GLTP: variants seen among roughly 807,000 people sequenced by gnomAD.
GLTP encodes the protein glycolipid transfer protein.
A neutral mutation model predicts 24.0 loss-of-function variants in GLTP; 22 were observed. That is an observed-to-expected ratio of 0.92 (90% CI 0.65 to 1.31). The LOEUF (loss-of-function observed/expected upper bound fraction) is 1.31, where lower values mean the gene tolerates loss of function less well. GLTP is among the 50% of genes most tolerant of loss of function. GLTP has a pLI of 0.00. For synonymous variants in GLTP, 92 were observed against 115.9 expected (o/e 0.79, Z 1.33); for missense variants, 224 against 276.6 (o/e 0.81, Z 1.35).
At chr12:109,858,901 C>G (rs749037681) in intron 1 of GLTP, among the ~76,000 whole-genome samples, 160 bp from the exon 2 acceptor site, 1 of 152,146 alleles carries the variant, frequency 6.6e-6, no homozygotes, top group African/African-American at 2.4e-5. Context: ...TTGGGTGCAG[C>G]CCCCAGCTCT....
chr12:109,880,183 G>A lies in GLTP; in HGVS notation c.103+89C>T, dbSNP rs1315413114. On this transcript the variant is annotated intron_variant, in intron 1 of 4. Transcript: ENST00000318348. The surrounding 1 kb of genome is among the most constrained non-coding windows in gnomAD (Gnocchi z 5.1). ...GGGAAACAGTACTTAGGGGTGTCTAGGGCAGAGATGGTTAGGGGATGCTCG... is the reference window on the plus strand; with the variant it reads ...GGGAAACAGTACTTAGGGGTGTCTAAGGCAGAGATGGTTAGGGGATGCTCG... 11 of 750,442 alleles carry A rather than the reference G, an allele frequency of 1.5e-5. No individual in the cohort carries two copies. Among genetic ancestry groups the A allele is most frequent in the Non-Finnish European group, 2.5e-5 (11 of 440,892 alleles). The allele number at this position is 750,442 out of a possible 1,614,324, so 46.5% of individuals were successfully genotyped here.
At chr12:109,856,982 C>T (rs996270219) in intron 3 of GLTP, among the ~76,000 whole-genome samples, 4 of 151,984 alleles carry the variant, frequency 2.6e-5, no homozygotes, top group Non-Finnish European at 5.9e-5. Flanking sequence ...TGCAGTGAGC[C>T]GAGATTGTGC....
At position 109,855,719 on chromosome 12, in the gene GLTP, C is replaced by T. The variant is rs369634482; in HGVS notation, c.347G>A (p.Arg116Gln). The T allele has an allele frequency of 2.4e-5, 39 of 1,607,848 alleles. No individual in the cohort carries two copies. The highest frequency in any genetic ancestry group is 6.8e-5 in the East Asian group (3 of 44,362). ...VFLQSICDGE[R>Q]DENHPNLIRV... ...GATGAGGTTGGGGTGGTTCTCGTCC[C>T]GCTCCCCGTCGCAGATGCTCTGGAG... The change falls in exon 4 of 5, where the codon CGG becomes CAG. Residue 116 changes from arginine to glutamine, a missense_variant. Coordinates refer to ENST00000318348, the MANE Select transcript of GLTP (RefSeq NM_016433.4). The surrounding 1 kb of genome is among the most constrained non-coding windows in gnomAD (Gnocchi z 4.1).
rs558397108 is a variant in GLTP at position 109,861,886 on chromosome 12, G to T, written c.104-3145C>A. ...GTGACCCAGCAAATGACATCATCGT[G>T]GAAGCCACAGGATTCCCCAGAACCT... is the stretch of plus-strand genomic sequence containing the variant. On this transcript the variant is annotated intron_variant, in intron 1 of 4. Coordinates refer to ENST00000318348, the MANE Select transcript of GLTP (RefSeq NM_016433.4). 3.3e-5 allele frequency among the ~76,000 whole-genome samples: 5 copies of T among 152,284 alleles called. No homozygotes were observed. In the East Asian group the frequency reaches 9.7e-4, roughly 29 times the overall value.
rs1436410192 is a variant in GLTP at position 109,857,455 on chromosome 12, C to A, written c.296+71G>T. The A allele has an allele frequency of 6.5e-7, 1 of 1,534,070 alleles. No individual in the cohort carries two copies. Among genetic ancestry groups the A allele is most frequent in the African/African-American group, 1.4e-5 (1 of 73,356 alleles). On this transcript the variant is annotated intron_variant, in intron 3 of 4. Transcript: ENST00000318348. This position sits in a 1 kb window ranked among gnomAD's most constrained non-coding sequence, Gnocchi z 4.3. ...ACCTTCCCAGCCTGAGCTGACACTGCGGAACAGTGACAGGTTTGCTTTCCC... is the reference window on the plus strand; with the variant it reads ...ACCTTCCCAGCCTGAGCTGACACTGAGGAACAGTGACAGGTTTGCTTTCCC...
In GLTP at chr12:109,880,381, G is replaced by C; in HGVS notation, c.-7C>G. The C allele has an allele frequency of 6.4e-7, 1 of 1,562,344 alleles. No homozygotes were observed. Among genetic ancestry groups the C allele is most frequent in the Non-Finnish European group, 8.7e-7 (1 of 1,152,854 alleles). On this transcript the variant is annotated 5_prime_UTR_variant, in exon 1 of 5. Coordinates refer to ENST00000318348, the MANE Select transcript of GLTP (RefSeq NM_016433.4). This position sits in a 1 kb window ranked among gnomAD's most constrained non-coding sequence, Gnocchi z 5.1. Reference sequence around the variant, plus strand: ...GTTCGGCCAGCAGCGCCATTTCGGGGTCGAGGCCCGCGGTGATGCCCCAGC... The same window carrying C: ...GTTCGGCCAGCAGCGCCATTTCGGGCTCGAGGCCCGCGGTGATGCCCCAGC...
At chr12:109,871,496 G>A (rs979298730) in intron 1 of GLTP, among the ~76,000 whole-genome samples, 1 of 152,188 alleles carries the variant, frequency 6.6e-6, no homozygotes, top group South Asian at 2.1e-4. Flanking sequence ...CCCTAGAGAC[G>A]ACTTCCAACG....
chr12:109,857,755 G>T lies in GLTP; in HGVS notation c.163-96C>A. 8.5e-7 allele frequency: 1 copy of T among 1,177,412 alleles called. No individual in the cohort carries two copies. The highest frequency in any genetic ancestry group is 1.5e-5 in the African/African-American group (1 of 66,730). The allele number at this position is 1,177,412 out of a possible 1,614,324, so 72.9% of individuals were successfully genotyped here. On this transcript the variant is annotated intron_variant, in intron 2 of 4. Transcript: ENST00000318348. This position sits in a 1 kb window ranked among gnomAD's most constrained non-coding sequence, Gnocchi z 4.3. ...GAAAAGCACCCTACCGGCATCTCCT[G>T]CTCCTTCCTGCCCTCCAGGAACAGC...
Position 109,855,554 on chromosome 12 carries a change from AG to A in GLTP, c.447+64del, listed in dbSNP as rs891270144. On this transcript the variant is annotated intron_variant, in intron 4 of 4. Transcript: ENST00000318348. The surrounding 1 kb of genome is among the most constrained non-coding windows in gnomAD (Gnocchi z 4.1). ...ACAGGCCAGGAGGCCTCGGCTAAGCAGGGGCAGAGTGGGGAGCAGAATCTGC... is the reference window on the plus strand; with the variant it reads ...ACAGGCCAGGAGGCCTCGGCTAAGCAGGGCAGAGTGGGGAGCAGAATCTGC... The A allele has an allele frequency of 7.1e-7, 1 of 1,413,462 alleles. No individual in the cohort carries two copies. The highest frequency in any genetic ancestry group is 1.5e-5 in the African/African-American group (1 of 68,890). The allele number at this position is 1,413,462 out of a possible 1,614,324, so 87.6% of individuals were successfully genotyped here.
In GLTP at chr12:109,880,510, C is replaced by T; in HGVS notation, c.-136G>A. 5.1e-6 allele frequency: 1 copy of T among 197,352 alleles called. No homozygotes were observed. Among genetic ancestry groups the T allele is most frequent in the Non-Finnish European group, 9.8e-6 (1 of 101,838 alleles). 12.2% of individuals were successfully genotyped at this position (197,352 alleles called of 1,614,324 possible). ...CCGGGGACGCCAGCGTCGCCACTTCCGCCCGCACGGCGCCCTCGTAGCCGA... is the reference window on the plus strand; with the variant it reads ...CCGGGGACGCCAGCGTCGCCACTTCTGCCCGCACGGCGCCCTCGTAGCCGA... On this transcript the variant is annotated 5_prime_UTR_variant, in exon 1 of 5. Transcript: ENST00000318348. The surrounding 1 kb of genome is among the most constrained non-coding windows in gnomAD (Gnocchi z 5.1).
intron 1 of GLTP, among the ~76,000 whole-genome samples, chr12:109,877,852 T>A (rs1375019355): frequency 6.6e-6 from 1 of 152,148 alleles, no homozygotes. Flanking sequence ...TCCTAAAGCT[T>A]AAGTCTTCAA....
rs754926538 is a variant in GLTP at position 109,857,496 on chromosome 12, A to C, written c.296+30T>G. On this transcript the variant is annotated intron_variant, in intron 3 of 4. Transcript: ENST00000318348. The surrounding 1 kb of genome is among the most constrained non-coding windows in gnomAD (Gnocchi z 4.3). ...TTGCTTTCCCTCCTCTGCAGCACAGAGCCCAGGCCCTGCCACCTGAGCCCA... is the reference window on the plus strand; with the variant it reads ...TTGCTTTCCCTCCTCTGCAGCACAGCGCCCAGGCCCTGCCACCTGAGCCCA... The C allele has an allele frequency of 6.2e-7, 1 of 1,610,956 alleles. No homozygotes were observed. Among genetic ancestry groups the C allele is most frequent in the South Asian group, 1.1e-5 (1 of 90,926 alleles).
chr12:109,865,559 C>T (rs750114800), intron 1 of GLTP, among the ~76,000 whole-genome samples: 2 of 149,988 alleles, frequency 1.3e-5, no homozygotes. Flanking sequence ...ACCTGGGAGG[C>T]GGAGGTTACA....
chr12:109,857,453 T>C lies in GLTP; in HGVS notation c.296+73A>G. On this transcript the variant is annotated intron_variant, in intron 3 of 4. Coordinates refer to ENST00000318348, the MANE Select transcript of GLTP (RefSeq NM_016433.4). The surrounding 1 kb of genome is among the most constrained non-coding windows in gnomAD (Gnocchi z 4.3). The stretch of plus-strand genomic sequence containing the variant: ...TGACCTTCCCAGCCTGAGCTGACAC[T>C]GCGGAACAGTGACAGGTTTGCTTTC... The C allele has an allele frequency of 6.5e-7, 1 of 1,541,438 alleles. No homozygotes were observed. The highest frequency in any genetic ancestry group is 2.2e-5 in the East Asian group (1 of 44,454).
chr12:109,860,387 T>G (rs919399483), intron 1 of GLTP: 1 of 214,704 alleles, frequency 4.7e-6, no homozygotes, highest in Admixed American at 4.2e-5. Flanking sequence ...CCTCTTAATT[T>G]GTTCTCGCCA....
At chr12:109,875,871 G>C (rs1402136256) in intron 1 of GLTP, among the ~76,000 whole-genome samples, 1 of 152,228 alleles carries the variant, frequency 6.6e-6, no homozygotes. Context: ...TGCTCTAACA[G>C]GTTAAAGCAC....
In GLTP at chr12:109,851,391, AAAAC is replaced by A. The variant is rs886665559; in HGVS notation, c.*1160_*1163del. The A allele has an allele frequency of 2.6e-5, 4 of 152,190 alleles. No individual in the cohort carries two copies. The highest frequency in any genetic ancestry group is 9.7e-5 in the African/African-American group (4 of 41,426). 9.4% of individuals were successfully genotyped at this position (152,190 alleles called of 1,614,324 possible). A position where few individuals can be genotyped will look rare whatever the true frequency, so the allele number is the denominator to read the frequency against. On this transcript the variant is annotated 3_prime_UTR_variant, in exon 5 of 5. Coordinates refer to ENST00000318348, the MANE Select transcript of GLTP (RefSeq NM_016433.4). The stretch of plus-strand genomic sequence containing the variant: ...ACAACAAAAAACAACCAGAAAAAAG[AAAAC>A]AAACAAAAAAATCTGTCTAGCGAGA...
At chr12:109,861,041 G>A (rs1379083112) in intron 1 of GLTP, among the ~76,000 whole-genome samples, 1 of 152,198 alleles carries the variant, frequency 6.6e-6, no homozygotes, top group Non-Finnish European at 1.5e-5. Context: ...AGACCCCAGA[G>A]CAGGCTAGAG....
chr12:109,878,879 T>C (rs760887793), intron 1 of GLTP, among the ~76,000 whole-genome samples: 4 of 152,100 alleles, frequency 2.6e-5, no homozygotes, highest in Non-Finnish European at 5.9e-5. Context: ...CACCAGACAA[T>C]TGCACTCCCT....
Sources: gnomAD v4.1 joint callset for allele counts (sites outside exome capture counted in the v4.1 genomes callset) on GRCh38, gnomAD v4.1.1 for gene constraint, Gnocchi (gnomAD v3.1) non-coding constraint, MANE v1.5 for transcripts, NCBI Gene and HGNC (gene_info 2026-07-23, HGNC 2026-07-21) for gene names.